PLCB1: variants seen among roughly 807,000 people sequenced by gnomAD.
PLCB1 encodes 1-phosphatidylinositol 4,5-bisphosphate phosphodiesterase beta-1.
PLCB1 carries 46 observed loss-of-function variants against 161.8 expected under a neutral mutation model. That is an observed-to-expected ratio of 0.28 (90% confidence interval 0.22 to 0.36). The LOEUF (loss-of-function observed/expected upper bound fraction) is 0.36, where lower values mean the gene tolerates loss of function less well. Ranked by LOEUF, PLCB1 falls within the 10% of genes least tolerant of loss-of-function variation. The pLI is 1.00. For synonymous variants in PLCB1, 517 were observed against 503.7 expected, an observed-to-expected ratio of 1.03 and a Z score of -0.35; for missense variants, 1,016 against 1,472.5, an observed-to-expected ratio of 0.69 and a Z score of 5.07.
At chr20:8,174,863 A>G (rs1256487217) in intron 2 of PLCB1, among the ~76,000 whole-genome samples, 2 of 152,258 alleles carry the variant, frequency 1.3e-5, no homozygotes, top group East Asian at 3.9e-4. Context: ...AGCCTGGCCA[A>G]GATAGCAAAT....
At chr20:8,246,586 G>A (rs1254882064) in intron 2 of PLCB1, among the ~76,000 whole-genome samples, 1 of 151,908 alleles carries the variant, frequency 6.6e-6, no homozygotes, top group Non-Finnish European at 1.5e-5. Flanking sequence ...ACACATAGCA[G>A]AAGGCAAAGA....
intron 3 of PLCB1, among the ~76,000 whole-genome samples, chr20:8,372,617 A>G (rs1446962675): frequency 1.3e-5 from 2 of 152,216 alleles, no homozygotes; most frequent in East Asian, 1.9e-4. Context: ...CCTTAGTAAC[A>G]TGGAATTTCA....
intron 2 of PLCB1, among the ~76,000 whole-genome samples, chr20:8,266,222 G>A (rs1326937464): frequency 4.6e-5 from 7 of 152,130 alleles, no homozygotes; most frequent in African/African-American, 1.7e-4. Flanking sequence ...TGGTTCTACT[G>A]ATCTGAGCAT....
intron 31 of PLCB1, among the ~76,000 whole-genome samples, chr20:8,873,350 C>T (rs1470577206): frequency 6.6e-6 from 1 of 152,118 alleles, no homozygotes; most frequent in Non-Finnish European, 1.5e-5. Context: ...ATGCATTTCC[C>T]ATTGCTTTTA....
At chr20:8,248,150 G>A (rs6118136) in intron 2 of PLCB1, among the ~76,000 whole-genome samples, 32 of 151,998 alleles carry the variant, frequency 2.1e-4, no homozygotes, top group Admixed American at 6.6e-4. Flanking sequence ...TTCCATTTCA[G>A]GTGAAGTTCC....
At chr20:8,422,087 G>A (rs983579600) in intron 3 of PLCB1, among the ~76,000 whole-genome samples, 6 of 152,224 alleles carry the variant, frequency 3.9e-5, no homozygotes, top group Non-Finnish European at 8.8e-5. Flanking sequence ...GCCTGAGTGA[G>A]TCTTTACAAC....
At chr20:8,611,713 A>G (rs1042259685) in intron 3 of PLCB1, among the ~76,000 whole-genome samples, 12 of 152,288 alleles carry the variant, frequency 7.9e-5, no homozygotes, top group African/African-American at 2.9e-4. Context: ...GGACTCTTCA[A>G]TCAATTCTCT....
intron 3 of PLCB1, among the ~76,000 whole-genome samples, chr20:8,498,160 C>T (rs188614869): frequency 1.7e-4 from 26 of 152,250 alleles, no homozygotes; most frequent in Non-Finnish European, 3.4e-4. Flanking sequence ...TGCAGTGGCA[C>T]GATCTCAGCT....
intron 2 of PLCB1, among the ~76,000 whole-genome samples, chr20:8,265,378 G>T (rs1206579554): frequency 6.6e-6 from 1 of 152,174 alleles, no homozygotes; most frequent in Admixed American, 6.5e-5. Flanking sequence ...GAATGGCGAA[G>T]TACCATTTAA....
intron 2 of PLCB1, among the ~76,000 whole-genome samples, chr20:8,284,735 T>G (rs1983034638): frequency 6.6e-6 from 1 of 152,168 alleles, no homozygotes; most frequent in African/African-American, 2.4e-5. Context: ...TATCAAGAAT[T>G]ATATTAAATA....
At chr20:8,859,339 A>G (rs138785359) in intron 31 of PLCB1, among the ~76,000 whole-genome samples, 225 of 152,318 alleles carry the variant, frequency 1.5e-3, no homozygotes, top group African/African-American at 5.0e-3. Flanking sequence ...AAATCATAAC[A>G]ATTACCTTTA....
At chr20:8,448,836 T>G (rs530949858) in intron 3 of PLCB1, among the ~76,000 whole-genome samples, 1 of 152,310 alleles carries the variant, frequency 6.6e-6, no homozygotes, top group South Asian at 2.1e-4. Context: ...CTCAATAGTT[T>G]AAGGTCACAC....
chr20:8,790,332 G>T (rs1359559074), intron 31 of PLCB1, 71 bp downstream of exon 31: 5 of 1,163,976 alleles, frequency 4.3e-6, no homozygotes, highest in Non-Finnish European at 5.0e-6. Context: ...AAACCTTCCT[G>T]GTTTACATAA....
At chr20:8,271,829 TAACC>T (rs1228513382) in intron 2 of PLCB1, among the ~76,000 whole-genome samples, 1 of 152,048 alleles carries the variant, frequency 6.6e-6, no homozygotes, top group Non-Finnish European at 1.5e-5. Flanking sequence ...CAAACTAAGG[TAACC>T]CTGGTGTAAT....
At chr20:8,247,631 CAT>C (rs963705016) in intron 2 of PLCB1, among the ~76,000 whole-genome samples, 16 of 150,924 alleles carry the variant, frequency 1.1e-4, no homozygotes, top group Non-Finnish European at 2.2e-4. Flanking sequence ...CACACACACA[CAT>C]ACACGCAAAC....
chr20:8,725,268 G>A (rs1377084626), intron 16 of PLCB1, among the ~76,000 whole-genome samples: 2 of 152,096 alleles, frequency 1.3e-5, no homozygotes, highest in Non-Finnish European at 2.9e-5. Context: ...ATCACTTTGT[G>A]TTTTCCCTTT....
chr20:8,757,524 G>C (rs1333942695), intron 24 of PLCB1, among the ~76,000 whole-genome samples: 1 of 152,126 alleles, frequency 6.6e-6, no homozygotes, highest in Non-Finnish European at 1.5e-5. Context: ...TCTTAGTCTT[G>C]CTTCATTAAT....
intron 31 of PLCB1, among the ~76,000 whole-genome samples, chr20:8,815,771 A>G (rs1490843256): frequency 6.6e-6 from 1 of 152,250 alleles, no homozygotes; most frequent in Non-Finnish European, 1.5e-5. Flanking sequence ...TGATCATAAA[A>G]CAATTGAAAA....
chr20:8,143,533 G>T (rs183552957), intron 1 of PLCB1, among the ~76,000 whole-genome samples: 1 of 152,280 alleles, frequency 6.6e-6, no homozygotes, highest in East Asian at 1.9e-4. Flanking sequence ...GCAAATAGAG[G>T]TACAATTATT....
Sources: allele counts gnomAD v4.1 joint callset (sites outside exome capture counted in the v4.1 genomes callset), GRCh38; gene constraint gnomAD v4.1.1; transcripts MANE v1.5; gene names NCBI Gene and HGNC (gene_info 2026-07-23, HGNC 2026-07-21).